GPC6: variants seen among roughly 807,000 people sequenced by gnomAD.
GPC6 encodes the protein glypican 6.
A neutral mutation model predicts 55.2 loss-of-function variants in GPC6; 14 were observed. The ratio of observed to expected loss-of-function variants is 0.25; its 90% CI spans 0.17 to 0.40. The LOEUF (loss-of-function observed/expected upper bound fraction) is 0.40, where lower values mean the gene tolerates loss of function less well. Among genes scored for constraint, GPC6 ranks in the 10% least tolerant of loss-of-function variants. The probability of loss-of-function intolerance (pLI) is 1.00; values close to 1 mark genes in which losing one functional copy is unlikely to be tolerated. For synonymous variants in GPC6, 278 were observed against 259.6 expected (o/e 1.07, Z -0.68); for missense variants, 641 against 708.5 (o/e 0.90, Z 1.08).
At chr13:93,540,567 T>C (rs917405165) in intron 1 of GPC6, among the ~76,000 whole-genome samples, 1 of 152,198 alleles carries the variant, frequency 6.6e-6, no homozygotes, top group Non-Finnish European at 1.5e-5. Flanking sequence ...AAAATAATTA[T>C]ACAATTATAC....
At chr13:94,120,155 G>A (rs1886574446) in intron 4 of GPC6, among the ~76,000 whole-genome samples, 1 of 151,840 alleles carries the variant, frequency 6.6e-6, no homozygotes, top group South Asian at 2.1e-4. Flanking sequence ...GTATGAGCTG[G>A]CTTCAGCACA....
intron 3 of GPC6, among the ~76,000 whole-genome samples, chr13:93,874,155 G>C (rs536157210): frequency 5.3e-4 from 81 of 151,904 alleles, no homozygotes; most frequent in African/African-American, 1.9e-3. Context: ...TTATCACCAG[G>C]TACTAAGCCT....
intron 1 of GPC6, among the ~76,000 whole-genome samples, chr13:93,490,695 G>T (rs1594208462): frequency 1.0e-5 from 1 of 95,238 alleles, no homozygotes; most frequent in Non-Finnish European, 1.9e-5. Flanking sequence ...ACAGTCCCCA[G>T]AGTGTGATAT....
intron 1 of GPC6, among the ~76,000 whole-genome samples, chr13:93,538,675 A>G (rs140427873): frequency 6.6e-6 from 1 of 152,204 alleles, no homozygotes; most frequent in African/African-American, 2.4e-5. Flanking sequence ...ACTGAGAGCC[A>G]CAGAAAAACA....
At chr13:94,128,779 C>G (rs1236661096) in intron 4 of GPC6, among the ~76,000 whole-genome samples, 3 of 152,116 alleles carry the variant, frequency 2.0e-5, no homozygotes, top group Non-Finnish European at 4.4e-5. Context: ...CATTTGTGTG[C>G]ATTTGCCATC....
At chr13:93,419,119 A>G (rs976211353) in intron 1 of GPC6, among the ~76,000 whole-genome samples, 4 of 150,486 alleles carry the variant, frequency 2.7e-5, no homozygotes, top group Non-Finnish European at 5.9e-5. Context: ...AAAGCTATAC[A>G]TATTTTAGGA....
At chr13:93,558,500 C>A (rs546725650) in intron 2 of GPC6, among the ~76,000 whole-genome samples, 2 of 152,230 alleles carry the variant, frequency 1.3e-5, no homozygotes, top group East Asian at 3.9e-4. Context: ...GGATTCGAAA[C>A]ATGGAAATAG....
intron 3 of GPC6, among the ~76,000 whole-genome samples, chr13:93,923,388 G>T (rs1877677341): frequency 6.6e-6 from 1 of 151,866 alleles, no homozygotes; most frequent in South Asian, 2.1e-4. Flanking sequence ...TCGGTGACTG[G>T]GTAAAACTTT....
intron 1 of GPC6, among the ~76,000 whole-genome samples, chr13:93,324,973 A>C (rs1879604468): frequency 6.6e-6 from 1 of 151,966 alleles, no homozygotes; most frequent in Non-Finnish European, 1.5e-5. Context: ...CGTGAAACCT[A>C]CCCCTCTAAT....
At chr13:93,277,707 T>C (rs1223233069) in intron 1 of GPC6, among the ~76,000 whole-genome samples, 1 of 152,186 alleles carries the variant, frequency 6.6e-6, no homozygotes, top group Non-Finnish European at 1.5e-5. Flanking sequence ...AGAATAATTG[T>C]TCAACTAGAC....
chr13:94,236,793 G>GTAGA (rs915029696), intron 4 of GPC6, among the ~76,000 whole-genome samples: 14 of 151,944 alleles, frequency 9.2e-5, no homozygotes, highest in African/African-American at 3.1e-4. Context: ...AAACTCTGAG[G>GTAGA]TAGAAAAAGT....
intron 5 of GPC6, among the ~76,000 whole-genome samples, chr13:94,302,931 G>A (rs1187361451): frequency 6.6e-6 from 1 of 152,228 alleles, no homozygotes; most frequent in East Asian, 1.9e-4. Flanking sequence ...GCTGAATTAG[G>A]ACAAACCGAG....
chr13:93,321,275 A>T (rs1256649082), intron 1 of GPC6, among the ~76,000 whole-genome samples: 1 of 152,170 alleles, frequency 6.6e-6, no homozygotes, highest in Non-Finnish European at 1.5e-5. Flanking sequence ...CTAGCCATTC[A>T]CATTTCATTA....
intron 1 of GPC6, among the ~76,000 whole-genome samples, chr13:93,523,170 TACAC>T (rs1392530914): frequency 1.3e-5 from 2 of 150,250 alleles, no homozygotes; most frequent in South Asian, 2.1e-4. Context: ...TGTACATATA[TACAC>T]ATACATATAC....
At chr13:93,631,091 G>A (rs1444704498) in intron 2 of GPC6, among the ~76,000 whole-genome samples, 2 of 152,154 alleles carry the variant, frequency 1.3e-5, no homozygotes, top group Non-Finnish European at 2.9e-5. Flanking sequence ...AGGGGTCCTT[G>A]CACATGGTCA....
intron 3 of GPC6, among the ~76,000 whole-genome samples, chr13:93,947,303 T>C (rs1879053149): frequency 6.6e-6 from 1 of 152,090 alleles, no homozygotes. Context: ...AAAGTGTTGG[T>C]CCCTAACTTA....
chr13:94,392,620 G>C (rs1880701922), intron 7 of GPC6, among the ~76,000 whole-genome samples: 1 of 151,234 alleles, frequency 6.6e-6, no homozygotes, highest in African/African-American at 2.4e-5. Flanking sequence ...GTAGAGATGG[G>C]GTTTCTCCAT....
chr13:93,231,332 T>TATATATATATATACATATATATATAC (rs1876005205), intron 1 of GPC6, among the ~76,000 whole-genome samples: 1 of 32,088 alleles, frequency 3.1e-5, no homozygotes, highest in Admixed American at 5.0e-4. Flanking sequence ...TATATATACG[T>TATATATATATATACATATATATATAC]ATATATATAT....
At chr13:93,764,583 AACACACACAC>A (rs10595180) in intron 2 of GPC6, among the ~76,000 whole-genome samples, 1 of 148,442 alleles carries the variant, frequency 6.7e-6, no homozygotes, top group African/African-American at 2.5e-5. Context: ...TAAAGATGTA[AACACACACAC>A]ACACACACAC....
Sources: allele counts gnomAD v4.1 joint callset (sites outside exome capture counted in the v4.1 genomes callset), GRCh38; gene constraint gnomAD v4.1.1; transcripts MANE v1.5; gene names NCBI Gene and HGNC (gene_info 2026-07-23, HGNC 2026-07-21).